Variants in NLGN1 observed in about 807,000 individuals in gnomAD.
NLGN1 encodes neuroligin-1.
In NLGN1, 12 loss-of-function variants were observed where a neutral mutation model predicts 65.5. The ratio of observed to expected loss-of-function variants is 0.18; its 90% CI spans 0.12 to 0.30. The LOEUF (loss-of-function observed/expected upper bound fraction) is 0.30, where lower values mean the gene tolerates loss of function less well. Among genes scored for constraint, NLGN1 ranks in the 10% least tolerant of loss-of-function variants. The probability of loss-of-function intolerance (pLI) is 1.00; values close to 1 mark genes in which losing one functional copy is unlikely to be tolerated. For missense variants in NLGN1, 750 were observed against 1,007.1 expected (o/e 0.74, Z 3.46); for synonymous variants, 350 against 359.5 (o/e 0.97, Z 0.30).
intron 5 of NLGN1, among the ~76,000 whole-genome samples, chr3:174,276,350 G>T (rs913609801): frequency 1.3e-5 from 2 of 151,744 alleles, no homozygotes; most frequent in Admixed American, 6.6e-5. Context: ...TTATTAATTT[G>T]AAATTTCACA....
chr3:173,396,719 C>T (rs1042740998), upstream of NLGN1: 2 of 152,220 alleles, frequency 1.3e-5, no homozygotes, highest in Non-Finnish European at 2.9e-5. Context: ...CTGCGTCCGC[C>T]GAGCTCCGGC....
At chr3:173,717,842 C>T (rs911223269) in intron 3 of NLGN1, among the ~76,000 whole-genome samples, 11 of 151,980 alleles carry the variant, frequency 7.2e-5, no homozygotes, top group African/African-American at 2.7e-4. Flanking sequence ...TATAAACCTA[C>T]TATGTACCCC....
At chr3:174,186,430 G>A (rs1243327137) in intron 4 of NLGN1, among the ~76,000 whole-genome samples, 1 of 152,030 alleles carries the variant, frequency 6.6e-6, no homozygotes, top group Non-Finnish European at 1.5e-5. Context: ...GTATGAAAAT[G>A]TCACCAAAGA....
At chr3:173,769,259 TC>T (rs1223700854) in intron 3 of NLGN1, among the ~76,000 whole-genome samples, 1 of 152,214 alleles carries the variant, frequency 6.6e-6, no homozygotes, top group African/African-American at 2.4e-5. Context: ...TTTCAGTGGT[TC>T]ACTGTTTCTT....
At chr3:173,880,343 T>G (rs1214800035) in intron 4 of NLGN1, among the ~76,000 whole-genome samples, 2 of 151,958 alleles carry the variant, frequency 1.3e-5, no homozygotes, top group East Asian at 3.9e-4. Flanking sequence ...CTAACAATTT[T>G]CTTAGCTGTA....
intron 2 of NLGN1, among the ~76,000 whole-genome samples, chr3:173,592,775 C>G (rs1242054068): frequency 6.6e-6 from 1 of 152,044 alleles, no homozygotes; most frequent in East Asian, 1.9e-4. Flanking sequence ...AAAGACACAC[C>G]CTGTACTCTC....
chr3:173,419,017 CTTCT>C (rs1714407342), intron 1 of NLGN1, among the ~76,000 whole-genome samples: 1 of 11,284 alleles, frequency 8.9e-5, no homozygotes, highest in Non-Finnish European at 1.7e-4. Context: ...CTTTCTTCTT[CTTCT>C]TTTTTTTTTT....
chr3:173,484,280 C>T (rs910162912), intron 2 of NLGN1, among the ~76,000 whole-genome samples: 2 of 151,974 alleles, frequency 1.3e-5, no homozygotes, highest in African/African-American at 4.8e-5. Flanking sequence ...AAATCACATC[C>T]AAATGGATTT....
intron 4 of NLGN1, among the ~76,000 whole-genome samples, chr3:173,964,995 T>A (rs1441238492): frequency 6.6e-6 from 1 of 152,136 alleles, no homozygotes; most frequent in Non-Finnish European, 1.5e-5. Flanking sequence ...GCAGCACAAT[T>A]CTGAATAGTG....
intron 3 of NLGN1, among the ~76,000 whole-genome samples, chr3:173,723,603 T>C (rs1487196314): frequency 2.0e-5 from 3 of 152,310 alleles, no homozygotes; most frequent in African/African-American, 7.2e-5. Flanking sequence ...CAATGATCAC[T>C]ATGTTATAAC....
chr3:174,049,172 T>C (rs41449147), intron 4 of NLGN1, among the ~76,000 whole-genome samples: 5,605 of 152,100 alleles, frequency 0.037, 331 homozygotes, highest in African/African-American at 0.12. Context: ...ATAGGAAAGT[T>C]TGGGATTTTC....
intron 4 of NLGN1, among the ~76,000 whole-genome samples, chr3:174,046,290 GA>G (rs1226090808): frequency 6.6e-6 from 1 of 151,876 alleles, no homozygotes; most frequent in Non-Finnish European, 1.5e-5. Context: ...AATAATAATG[GA>G]AAATTGAAAA....
At chr3:173,838,268 T>G (rs1348522898) in intron 4 of NLGN1, among the ~76,000 whole-genome samples, 1 of 152,074 alleles carries the variant, frequency 6.6e-6, no homozygotes, top group Non-Finnish European at 1.5e-5. Context: ...CATTTTATCC[T>G]TTTTTTAACA....
intron 4 of NLGN1, among the ~76,000 whole-genome samples, chr3:173,906,426 T>C (rs1386840594): frequency 6.6e-6 from 1 of 152,186 alleles, no homozygotes; most frequent in East Asian, 1.9e-4. Context: ...CTTATGGCCT[T>C]TATTGTGTAC....
chr3:174,094,126 C>G (rs867535472), intron 4 of NLGN1, among the ~76,000 whole-genome samples: 1 of 152,066 alleles, frequency 6.6e-6, no homozygotes. Flanking sequence ...TAACCAAAAA[C>G]TAGTGGTAAC....
At chr3:174,287,323 T>A (rs769564340), downstream of NLGN1, among the ~76,000 whole-genome samples, 1 of 151,388 alleles carries the variant, frequency 6.6e-6, no homozygotes, top group African/African-American at 2.4e-5. Flanking sequence ...TCCTCATACA[T>A]AGCCTAAAGA....
upstream of NLGN1, chr3:173,397,842 A>G (rs1238697554): frequency 6.6e-6 from 1 of 152,218 alleles, no homozygotes; most frequent in East Asian, 2.0e-4. Context: ...CACGGCAGGA[A>G]AGGCGAGTCG....
intron 4 of NLGN1, among the ~76,000 whole-genome samples, chr3:173,819,089 AACT>A (rs1306389800): frequency 6.6e-6 from 1 of 151,564 alleles, no homozygotes; most frequent in Non-Finnish European, 1.5e-5. Flanking sequence ...TCTTTCCTTG[AACT>A]ACTTACTCTG....
At chr3:173,721,096 C>G (rs1770765911) in intron 3 of NLGN1, among the ~76,000 whole-genome samples, 2 of 152,200 alleles carry the variant, frequency 1.3e-5, no homozygotes, top group South Asian at 4.1e-4. Context: ...CGCTATGATC[C>G]TAGCCTGTTT....
Sources: gnomAD v4.1 joint callset for allele counts (sites outside exome capture counted in the v4.1 genomes callset) on GRCh38, gnomAD v4.1.1 for gene constraint, MANE v1.5 for transcripts, NCBI Gene and HGNC (gene_info 2026-07-23, HGNC 2026-07-21) for gene names.